The following HADHB variants were observed in gnomAD, a reference collection of about 807,000 sequenced individuals.
HADHB encodes the protein trifunctional enzyme subunit beta, mitochondrial.
A neutral mutation model predicts 61.9 loss-of-function variants in HADHB; 50 were observed. The ratio of observed to expected loss-of-function variants is 0.81; its 90% CI spans 0.64 to 1.02. The LOEUF (loss-of-function observed/expected upper bound fraction) is 1.02. HADHB is among the 50% of genes least tolerant of loss of function. The probability of loss-of-function intolerance (pLI) is 0.00; values close to 1 mark genes in which losing one functional copy is unlikely to be tolerated. For missense variants in HADHB, 504 were observed against 586.5 expected, an observed-to-expected ratio of 0.86 and a Z score of 1.45; for synonymous variants, 191 against 201.6, an observed-to-expected ratio of 0.95 and a Z score of 0.45.
At chr2:26,246,566 C>G (rs139745175) in intron 1 of HADHB, among the ~76,000 whole-genome samples, 1 of 152,152 alleles carries the variant, frequency 6.6e-6, no homozygotes, top group Non-Finnish European at 1.5e-5. Flanking sequence ...GTCCCGAACT[C>G]CTGACCTTAG....
chr2:26,251,196 GT>G (rs1302492135), intron 1 of HADHB, among the ~76,000 whole-genome samples: 9 of 149,800 alleles, frequency 6.0e-5, no homozygotes, highest in Non-Finnish European at 1.0e-4. Flanking sequence ...TGTTTTGTTT[GT>G]TTTTTTTTGA....
chr2:26,284,021 A>T (rs1045376448), intron 12 of HADHB, 96 bp from the exon 13 acceptor site: 1 of 734,236 alleles, frequency 1.4e-6, no homozygotes, highest in Non-Finnish European at 2.5e-6. Context: ...GTGAAAAGAC[A>T]TTAGAGTACC....
At chr2:26,246,320 G>C (rs1212282531) in intron 1 of HADHB, among the ~76,000 whole-genome samples, 1 of 150,470 alleles carries the variant, frequency 6.6e-6, no homozygotes. Flanking sequence ...GTTATATATT[G>C]TTTCTTTTGT....
At chr2:26,265,314 G>A (rs1325247516) in intron 4 of HADHB, among the ~76,000 whole-genome samples, 2 of 152,158 alleles carry the variant, frequency 1.3e-5, no homozygotes, top group African/African-American at 2.4e-5. Flanking sequence ...AATACAAACA[G>A]GCCAGGTTCA....
At chr2:26,262,616 A>G (rs959985079) in intron 3 of HADHB, among the ~76,000 whole-genome samples, 1 of 152,232 alleles carries the variant, frequency 6.6e-6, no homozygotes, top group Admixed American at 6.5e-5. Context: ...ATTAAAAAGT[A>G]TTTAGGCATG....
rs34696184 is a variant in HADHB, at chr2:26,277,233, C to CTT, written c.442+94_442+95dup. 2,724 of 436,092 alleles carry CTT rather than the reference C, an allele frequency of 6.2e-3. 2 individuals carry two copies. The highest frequency in any genetic ancestry group is 0.011 in the East Asian group (255 of 23,552). The allele number at this position is 436,092 out of a possible 1,614,324, so 27.0% of individuals were successfully genotyped here. A position where few individuals can be genotyped will look rare whatever the true frequency, so the allele number is the denominator to read the frequency against. On this transcript the variant is annotated intron_variant, in intron 7 of 15. Transcript: ENST00000317799. ...TCTTTTACTTGATTATAAAAATGTACTTTTTTTTTTTTTTTTTTTTTTAAC... is the reference window on the plus strand; with the variant it reads ...TCTTTTACTTGATTATAAAAATGTACTTTTTTTTTTTTTTTTTTTTTTTTAAC...
At chr2:26,249,506 G>A (rs1055941329) in intron 1 of HADHB, among the ~76,000 whole-genome samples, 1 of 151,860 alleles carries the variant, frequency 6.6e-6, no homozygotes, top group Non-Finnish European at 1.5e-5. Context: ...GTGAGACTCC[G>A]TCTCAAAAAA....
intron 15 of HADHB, among the ~76,000 whole-genome samples, chr2:26,288,253 G>A (rs1673122286): frequency 6.6e-6 from 1 of 151,698 alleles, no homozygotes. Flanking sequence ...TGACAGAGTT[G>A]CCTTGTCTCA....
chr2:26,286,523 G>T (rs1364924597), intron 15 of HADHB, among the ~76,000 whole-genome samples: 1 of 152,034 alleles, frequency 6.6e-6, no homozygotes, highest in African/African-American at 2.4e-5. Flanking sequence ...TGTTTTTTGA[G>T]ACAGAGTCTC....
chr2:26,285,958 G>A (rs1026445631), intron 15 of HADHB, among the ~76,000 whole-genome samples: 1 of 151,572 alleles, frequency 6.6e-6, no homozygotes, highest in African/African-American at 2.4e-5. Context: ...GGCTAGTCTC[G>A]AATTGCCGAC....
intron 14 of HADHB, 84 bp from the exon 15 acceptor site, chr2:26,285,323 C>T: frequency 1.7e-6 from 2 of 1,189,916 alleles, no homozygotes; most frequent in Non-Finnish European, 1.3e-6. Context: ...TCCTCTATCT[C>T]TCTTACTTCG....
At chr2:26,266,894 A>AAAAAAAAAAG (rs1672108652) in intron 4 of HADHB, among the ~76,000 whole-genome samples, 1 of 146,812 alleles carries the variant, frequency 6.8e-6, no homozygotes, top group Admixed American at 6.8e-5. Flanking sequence ...AAAAAAAAAA[A>AAAAAAAAAAG]GGATTGTAAA....
At chr2:26,287,734 A>G (rs1558363619) in intron 15 of HADHB, among the ~76,000 whole-genome samples, 4 of 152,200 alleles carry the variant, frequency 2.6e-5, no homozygotes, top group African/African-American at 9.7e-5. Context: ...GTGAATCTAG[A>G]GCAGGGTTTC....
Position 26,273,765 on chromosome 2 carries a change from C to CT in HADHB, c.354+18dup. 7.9e-7 allele frequency: 1 copy of CT among 1,267,570 alleles called. No homozygotes were observed. The highest frequency in any genetic ancestry group is 1.2e-6 in the Non-Finnish European group (1 of 863,428). The allele number at this position is 1,267,570 out of a possible 1,614,324, so 78.5% of individuals were successfully genotyped here. ...TGGCTAGAGAGGTGAGTAAAACAAA[C>CT]TTTATGTTGTTTAAAGAGTGATAGG... is the stretch of plus-strand genomic sequence containing the variant. On this transcript the variant is annotated intron_variant, in intron 6 of 15. Coordinates refer to ENST00000317799, the MANE Select transcript of HADHB (RefSeq NM_000183.3).
At chr2:26,257,580 G>C (rs1255957121) in intron 3 of HADHB, among the ~76,000 whole-genome samples, 2 of 152,134 alleles carry the variant, frequency 1.3e-5, no homozygotes, top group East Asian at 1.9e-4. Context: ...GGAGGAGGAG[G>C]TGGTAAGGTA....
intron 10 of HADHB, among the ~76,000 whole-genome samples, chr2:26,280,797 G>A (rs1363268564): frequency 6.7e-6 from 1 of 149,144 alleles, no homozygotes; most frequent in East Asian, 2.0e-4. Context: ...GGAGGTTGCG[G>A]TGAGCCAAGA....
At chr2:26,253,862 AAATAAATAAAT>A (rs1558341557) in intron 1 of HADHB, among the ~76,000 whole-genome samples, 6 of 123,836 alleles carry the variant, frequency 4.8e-5, no homozygotes, top group East Asian at 2.5e-4. Context: ...TCAAAAAAAT[AAATAAATAAAT>A]AAATAAATAA....
intron 8 of HADHB, 140 bp downstream of exon 8, chr2:26,278,941 G>T (rs947998206): frequency 5.0e-5 from 49 of 972,254 alleles, no homozygotes; most frequent in Non-Finnish European, 6.9e-5. Context: ...GGAAAAAAAA[G>T]ATAGTGGTTA....
chr2:26,275,667 G>A (rs777254747), intron 6 of HADHB, among the ~76,000 whole-genome samples: 19 of 152,204 alleles, frequency 1.2e-4, no homozygotes, highest in Non-Finnish European at 2.6e-4. Context: ...TTTACGTTGA[G>A]AGGCTGATGC....
Sources: gnomAD v4.1 joint callset for allele counts (sites outside exome capture counted in the v4.1 genomes callset) on GRCh38, gnomAD v4.1.1 for gene constraint, MANE v1.5 for transcripts, NCBI Gene and HGNC (gene_info 2026-07-23, HGNC 2026-07-21) for gene names.